CCDC60: variants seen among roughly 807,000 people sequenced by gnomAD.
The protein encoded by CCDC60 is coiled-coil domain containing 60.
Under a neutral mutation model 63.5 loss-of-function variants are expected in CCDC60, and 54 were observed. That is an observed-to-expected ratio of 0.85 (90% confidence interval 0.68 to 1.07). The LOEUF (loss-of-function observed/expected upper bound fraction) is 1.07, where lower values mean the gene tolerates loss of function less well. CCDC60 is among the 50% of genes least tolerant of loss of function. The pLI, the probability that CCDC60 is intolerant of heterozygous loss-of-function variation, is 0.00. For synonymous variants in CCDC60, 206 were observed against 238.8 expected (o/e 0.86, Z 1.27); for missense variants, 651 against 684.3 (o/e 0.95, Z 0.54).
intron 1 of CCDC60, among the ~76,000 whole-genome samples, chr12:119,371,231 C>T (rs1008191226): frequency 1.3e-5 from 2 of 152,010 alleles, no homozygotes; most frequent in African/African-American, 4.8e-5. Context: ...CATTGTGTCT[C>T]CATCAGCAAA....
intron 7 of CCDC60, among the ~76,000 whole-genome samples, chr12:119,511,531 C>T (rs148556989): frequency 6.6e-6 from 1 of 152,306 alleles, no homozygotes; most frequent in African/African-American, 2.4e-5. Context: ...CCTATGCCAT[C>T]TCATGTTTCC....
At chr12:119,407,933 C>A (rs1956524023) in intron 1 of CCDC60, among the ~76,000 whole-genome samples, 1 of 152,186 alleles carries the variant, frequency 6.6e-6, no homozygotes, top group African/African-American at 2.4e-5. Context: ...ACAACCAAGT[C>A]ATGCCCAGGC....
At chr12:119,515,928 G>A (rs533474667) in intron 7 of CCDC60, among the ~76,000 whole-genome samples, 5 of 152,202 alleles carry the variant, frequency 3.3e-5, no homozygotes, top group South Asian at 2.1e-4. Context: ...GATCAGAGAA[G>A]GTTTCCTGAG....
chr12:119,494,380 C>G (rs1951669146), intron 5 of CCDC60, among the ~76,000 whole-genome samples: 1 of 152,238 alleles, frequency 6.6e-6, no homozygotes, highest in Admixed American at 6.5e-5. Context: ...GTTGTTCCAA[C>G]AGGCTCGAGT....
intron 1 of CCDC60, among the ~76,000 whole-genome samples, chr12:119,356,559 T>G (rs1347918204): frequency 6.6e-6 from 1 of 152,238 alleles, no homozygotes; most frequent in African/African-American, 2.4e-5. Flanking sequence ...AATTATCTCC[T>G]TCCCAATACA....
At chr12:119,400,256 A>C (rs1956367723) in intron 1 of CCDC60, among the ~76,000 whole-genome samples, 2 of 152,160 alleles carry the variant, frequency 1.3e-5, no homozygotes, top group South Asian at 4.1e-4. Context: ...TCACCGTATT[A>C]GCCAGGATGG....
chr12:119,450,288 T>C lies in CCDC60; in HGVS notation c.170+21526T>C, dbSNP rs146717989. On this transcript the variant is annotated intron_variant, in intron 2 of 13. Coordinates refer to ENST00000327554, the MANE Select transcript of CCDC60 (RefSeq NM_178499.5). ...GGGAGGGTGGGAGGAGGGCTAGGGA[T>C]GAGAAATTACTGGGTACAATGTGCA... 9.1e-3 allele frequency among the ~76,000 whole-genome samples: 1,377 copies of C among 152,088 alleles called. 23 individuals are homozygous for C. The highest frequency in any genetic ancestry group is 0.031 in the African/African-American group (1,291 of 41,446).
chr12:119,441,110 C>T (rs1355706302), intron 2 of CCDC60, among the ~76,000 whole-genome samples: 1 of 152,200 alleles, frequency 6.6e-6, no homozygotes, highest in African/African-American at 2.4e-5. Flanking sequence ...GTGTATTCAC[C>T]AGATACCCCA....
intron 5 of CCDC60, among the ~76,000 whole-genome samples, chr12:119,497,651 CT>C (rs1483686662): frequency 6.6e-6 from 1 of 151,960 alleles, no homozygotes; most frequent in Non-Finnish European, 1.5e-5. Flanking sequence ...AAGGGGGTTG[CT>C]TTTGAACTTC....
At chr12:119,368,154 AGAAG>A (rs1283502844) in intron 1 of CCDC60, among the ~76,000 whole-genome samples, 1 of 114,878 alleles carries the variant, frequency 8.7e-6, no homozygotes, top group African/African-American at 3.1e-5. Flanking sequence ...GGAGAAGAAA[AGAAG>A]GAGGAGGAGG....
chr12:119,536,170 T>C lies in CCDC60; in HGVS notation c.1552-4444T>C, dbSNP rs532896801. ...AATTGATCCCTTTACCATTATGTAA[T>C]GGCCTTCTTTGTCTCTTTTGATCTT... On this transcript the variant is annotated intron_variant, in intron 13 of 13. Coordinates refer to ENST00000327554, the MANE Select transcript of CCDC60 (RefSeq NM_178499.5). Among the ~76,000 whole-genome samples, 9 of 152,348 alleles carry C rather than the reference T, an allele frequency of 5.9e-5. No individual in the cohort carries two copies. In the East Asian group the frequency reaches 1.5e-3, roughly 26 times the overall value.
Position 119,335,160 on chromosome 12 carries a change from C to G in CCDC60, c.-17C>G. On this transcript the variant is annotated 5_prime_UTR_variant, in exon 1 of 14. Coordinates refer to ENST00000327554, the MANE Select transcript of CCDC60 (RefSeq NM_178499.5). ...CTTGTCTTGGGGGCACAGGCTAAAA[C>G]CTGAAGGATTTTTAAGATGACCAAG... The G allele has an allele frequency of 6.3e-7, 1 of 1,598,032 alleles. No individual in the cohort carries two copies. Among genetic ancestry groups the G allele is most frequent in the Non-Finnish European group, 8.5e-7 (1 of 1,171,848 alleles).
intron 4 of CCDC60, among the ~76,000 whole-genome samples, chr12:119,488,410 G>A (rs560469501): frequency 6.6e-6 from 1 of 152,196 alleles, no homozygotes; most frequent in African/African-American, 2.4e-5. Flanking sequence ...CTTCCAGCTG[G>A]GGGACCCCTT....
At chr12:119,380,089 T>A (rs928166088) in intron 1 of CCDC60, among the ~76,000 whole-genome samples, 8 of 152,206 alleles carry the variant, frequency 5.3e-5, no homozygotes, top group Non-Finnish European at 1.2e-4. Context: ...TTCTAGTTCA[T>A]CCCTCACACA....
chr12:119,536,713 T>G (rs1953015748), intron 13 of CCDC60, among the ~76,000 whole-genome samples: 1 of 152,176 alleles, frequency 6.6e-6, no homozygotes, highest in Admixed American at 6.5e-5. Context: ...GGGTTGAAAA[T>G]CCTTTTCTTT....
intron 13 of CCDC60, among the ~76,000 whole-genome samples, chr12:119,533,324 T>G (rs911158719): frequency 2.6e-5 from 4 of 152,240 alleles, no homozygotes; most frequent in Admixed American, 6.5e-5. Flanking sequence ...ATTAGCCCTT[T>G]GTCAGATGGG....
intron 1 of CCDC60, among the ~76,000 whole-genome samples, chr12:119,368,669 CT>C (rs1316684906): frequency 6.6e-6 from 1 of 152,184 alleles, no homozygotes; most frequent in Non-Finnish European, 1.5e-5. Context: ...AATACATGCC[CT>C]TTTGCCCTCA....
At chr12:119,362,245 T>C (rs561248073) in intron 1 of CCDC60, among the ~76,000 whole-genome samples, 1 of 152,184 alleles carries the variant, frequency 6.6e-6, no homozygotes, top group Non-Finnish European at 1.5e-5. Flanking sequence ...CCTTTTAAAT[T>C]TGAGGTGTAA....
chr12:119,530,939 T>TG lies in CCDC60; in HGVS notation c.1429dup (p.Val477GlyfsTer35), dbSNP rs777503127. 2.3e-5 allele frequency: 37 copies of TG among 1,614,200 alleles called. 1 individual carries two copies. The South Asian group carries it at 4.1e-4, about 18-fold the overall frequency. On this transcript the variant is annotated frameshift_variant, in exon 13 of 14. Transcript: ENST00000327554. LOFTEE classifies it high-confidence loss of function. Reference sequence around the variant, plus strand: ...AACTTCCGCCCCGCCAAAAAGATCCTGGTGAAACTGCAGAAGTTTGGAGAA... The same window carrying TG: ...AACTTCCGCCCCGCCAAAAAGATCCTGGGTGAAACTGCAGAAGTTTGGAGAA...
Sources: gnomAD v4.1 joint callset for allele counts (sites outside exome capture counted in the v4.1 genomes callset) on GRCh38, gnomAD v4.1.1 for gene constraint, MANE v1.5 for transcripts, NCBI Gene and HGNC (gene_info 2026-07-23, HGNC 2026-07-21) for gene names.